The following UBE2E2 variants were observed in gnomAD, a reference collection of about 807,000 sequenced individuals.
UBE2E2 encodes the protein ubiquitin conjugating enzyme E2 E2.
In UBE2E2, 6 loss-of-function variants were observed where a neutral mutation model predicts 24.7. The observed-to-expected ratio is 0.24, with a 90% CI of 0.13 to 0.48. UBE2E2 has a LOEUF of 0.48. Among genes scored for constraint, UBE2E2 ranks in the 20% least tolerant of loss-of-function variants. The pLI is 0.99. For synonymous variants in UBE2E2, 104 were observed against 83.6 expected (o/e 1.24, Z -1.33); for missense variants, 169 against 245.0 (o/e 0.69, Z 2.07).
intron 3 of UBE2E2, among the ~76,000 whole-genome samples, chr3:23,458,539 TC>T (rs1272235141): frequency 6.6e-6 from 1 of 152,024 alleles, no homozygotes; most frequent in Admixed American, 6.6e-5. Context: ...TGCCTCAGCC[TC>T]CCGAGTAGCT....
At chr3:23,511,076 G>A (rs1694584281) in intron 4 of UBE2E2, among the ~76,000 whole-genome samples, 1 of 152,178 alleles carries the variant, frequency 6.6e-6, no homozygotes, top group African/African-American at 2.4e-5. Context: ...GCCCCATCTT[G>A]CATAGAATTT....
At chr3:23,369,708 A>G (rs997109687) in intron 3 of UBE2E2, among the ~76,000 whole-genome samples, 2 of 152,172 alleles carry the variant, frequency 1.3e-5, no homozygotes, top group Non-Finnish European at 2.9e-5. Flanking sequence ...GTCTTGTGTT[A>G]GAGGTAAGCA....
chr3:23,456,358 G>A (rs377049864), intron 3 of UBE2E2, among the ~76,000 whole-genome samples: 19 of 152,156 alleles, frequency 1.2e-4, no homozygotes, highest in Non-Finnish European at 2.2e-4. Flanking sequence ...TCTTAATGGC[G>A]TCTAGAATGG....
intron 3 of UBE2E2, among the ~76,000 whole-genome samples, chr3:23,363,052 T>G (rs1696162097): frequency 6.6e-6 from 1 of 152,164 alleles, no homozygotes; most frequent in South Asian, 2.1e-4. Context: ...AAAACTAAGC[T>G]TCATAAGAGA....
chr3:23,480,558 C>T (rs530511308), intron 3 of UBE2E2, among the ~76,000 whole-genome samples: 48 of 151,372 alleles, frequency 3.2e-4, no homozygotes, highest in African/African-American at 1.1e-3. Context: ...TCCCCCACTA[C>T]AGCTGGCATC....
chr3:23,272,563 T>A (rs1698273581), intron 3 of UBE2E2, among the ~76,000 whole-genome samples: 1 of 152,188 alleles, frequency 6.6e-6, no homozygotes, highest in South Asian at 2.1e-4. Context: ...CCTCTCAGTA[T>A]GAGTGTGTTG....
chr3:23,333,350 G>A (rs1695119366), intron 3 of UBE2E2, among the ~76,000 whole-genome samples: 1 of 152,182 alleles, frequency 6.6e-6, no homozygotes, highest in Admixed American at 6.6e-5. Flanking sequence ...ATAAGTTATA[G>A]GACATTTCAG....
chr3:23,253,831 TTA>T (rs1445776967), intron 3 of UBE2E2, among the ~76,000 whole-genome samples: 24 of 152,322 alleles, frequency 1.6e-4, no homozygotes, highest in South Asian at 2.1e-4. Context: ...TAAATTGTGA[TTA>T]TGAGTTTATA....
At chr3:23,370,729 A>G (rs1184707235) in intron 3 of UBE2E2, among the ~76,000 whole-genome samples, 1 of 152,218 alleles carries the variant, frequency 6.6e-6, no homozygotes, top group Non-Finnish European at 1.5e-5. Flanking sequence ...TGGTGGAGCT[A>G]GATCTCCTGG....
chr3:23,421,738 A>G (rs1697803649), intron 3 of UBE2E2, among the ~76,000 whole-genome samples: 1 of 152,248 alleles, frequency 6.6e-6, no homozygotes, highest in Admixed American at 6.5e-5. Context: ...AATAACAGAA[A>G]CAGAAAGTCA....
intron 3 of UBE2E2, among the ~76,000 whole-genome samples, chr3:23,303,125 G>A (rs951422037): frequency 6.6e-6 from 1 of 152,076 alleles, no homozygotes; most frequent in Non-Finnish European, 1.5e-5. Context: ...ATTGTGAACT[G>A]TGCATGTGAG....
At chr3:23,400,427 C>G (rs553954428) in intron 3 of UBE2E2, among the ~76,000 whole-genome samples, 2 of 152,268 alleles carry the variant, frequency 1.3e-5, no homozygotes, top group East Asian at 3.9e-4. Context: ...GCCTCAGCCT[C>G]CTGAGTAGCT....
In UBE2E2 at chr3:23,553,649, A is replaced by G. The variant is rs1167932169; in HGVS notation, c.508+20948A>G. Among the ~76,000 whole-genome samples, 4 of 152,132 alleles carry G rather than the reference A, an allele frequency of 2.6e-5. 1 individual carries two copies. Among genetic ancestry groups the G allele is most frequent in the African/African-American group, 9.7e-5 (4 of 41,436 alleles). On this transcript the variant is annotated intron_variant, in intron 5 of 5. Coordinates refer to ENST00000396703, the MANE Select transcript of UBE2E2 (RefSeq NM_152653.4). ...TATTTGCATTTTTGTAGACATGAGG[A>G]GGCTTTCTCAAAAGCCGTATCCATC...
At chr3:23,226,419 A>G (rs2125328878) in intron 3 of UBE2E2, among the ~76,000 whole-genome samples, 1 of 152,096 alleles carries the variant, frequency 6.6e-6, no homozygotes, top group Non-Finnish European at 1.5e-5. Context: ...GGATTTCTGT[A>G]TGTGATGTCA....
chr3:23,533,747 C>T (rs1695184548), intron 5 of UBE2E2, among the ~76,000 whole-genome samples: 4 of 151,928 alleles, frequency 2.6e-5, no homozygotes, highest in South Asian at 4.2e-4. Flanking sequence ...CTTAGCCCCC[C>T]AAGTAGCTGG....
chr3:23,483,826 G>C (rs1445559693), intron 3 of UBE2E2, among the ~76,000 whole-genome samples: 2 of 152,192 alleles, frequency 1.3e-5, no homozygotes. Context: ...TTGGGGCAGG[G>C]TGGGAGTTCC....
chr3:23,453,468 C>G (rs894508673), intron 3 of UBE2E2, among the ~76,000 whole-genome samples: 1 of 152,010 alleles, frequency 6.6e-6, no homozygotes, highest in African/African-American at 2.4e-5. Flanking sequence ...AAAGTATTAA[C>G]AAATGAAAAA....
chr3:23,487,568 A>C (rs961484920), intron 3 of UBE2E2, among the ~76,000 whole-genome samples: 20 of 152,238 alleles, frequency 1.3e-4, no homozygotes, highest in Admixed American at 2.0e-4. Flanking sequence ...AGCCATTACT[A>C]TGAGCCAGGC....
chr3:23,578,667 C>G (rs1301890327), intron 5 of UBE2E2, among the ~76,000 whole-genome samples: 1 of 152,126 alleles, frequency 6.6e-6, no homozygotes, highest in African/African-American at 2.4e-5. Context: ...CCTCAGCAAA[C>G]TAGCACAGAA....
Sources: gnomAD v4.1 joint callset for allele counts (sites outside exome capture counted in the v4.1 genomes callset) on GRCh38, gnomAD v4.1.1 for gene constraint, MANE v1.5 for transcripts, NCBI Gene and HGNC (gene_info 2026-07-23, HGNC 2026-07-21) for gene names.